CNTNAP2: variants seen among roughly 807,000 people sequenced by gnomAD.
CNTNAP2 encodes the protein contactin-associated protein-like 2.
Under a neutral mutation model 155.2 loss-of-function variants are expected in CNTNAP2, and 98 were observed. That is an observed-to-expected ratio of 0.63 (90% CI 0.54 to 0.75). The LOEUF (loss-of-function observed/expected upper bound fraction) is 0.75, where lower values mean the gene tolerates loss of function less well. CNTNAP2 is among the 30% of genes least tolerant of loss of function. CNTNAP2 has a pLI of 0.00. For missense variants in CNTNAP2, 1,727 were observed against 1,688.1 expected (o/e 1.02, Z -0.40); for synonymous variants, 651 against 631.2 (o/e 1.03, Z -0.47).
At chr7:147,241,353 C>T (rs1178128353) in intron 8 of CNTNAP2, among the ~76,000 whole-genome samples, 4 of 152,068 alleles carry the variant, frequency 2.6e-5, no homozygotes, top group Non-Finnish European at 5.9e-5. Flanking sequence ...CTCTGCCGGG[C>T]GCGGTGCCTC....
intron 8 of CNTNAP2, among the ~76,000 whole-genome samples, chr7:147,298,649 G>A (rs2116765394): frequency 6.6e-6 from 1 of 152,222 alleles, no homozygotes; most frequent in African/African-American, 2.4e-5. Flanking sequence ...TCCTATAAAG[G>A]AGCACATGTA....
chr7:146,478,545 A>G (rs1796913269), intron 1 of CNTNAP2, among the ~76,000 whole-genome samples: 1 of 151,750 alleles, frequency 6.6e-6, no homozygotes, highest in Non-Finnish European at 1.5e-5. Context: ...TTGACTAAAT[A>G]TATTTTTTAA....
chr7:146,954,291 G>T (rs13233800), intron 3 of CNTNAP2, among the ~76,000 whole-genome samples: 51,257 of 151,726 alleles, frequency 0.34, 9,444 homozygotes, highest in Middle Eastern at 0.43. Context: ...GCAGATACAT[G>T]TTACATTCTG....
At chr7:146,392,746 C>T (rs572872086) in intron 1 of CNTNAP2, among the ~76,000 whole-genome samples, 87 of 152,154 alleles carry the variant, frequency 5.7e-4, no homozygotes, top group African/African-American at 1.7e-3. Context: ...TTTGAGGTAA[C>T]GACACTATCG....
At chr7:146,828,785 A>G (rs563707345) in intron 2 of CNTNAP2, among the ~76,000 whole-genome samples, 27 of 152,184 alleles carry the variant, frequency 1.8e-4, no homozygotes, top group Middle Eastern at 3.4e-3. Flanking sequence ...ATCAGACCTA[A>G]TTGTCACTAT....
intron 1 of CNTNAP2, among the ~76,000 whole-genome samples, chr7:146,508,665 C>T (rs775010318): frequency 1.4e-4 from 21 of 152,324 alleles, no homozygotes; most frequent in African/African-American, 2.2e-4. Context: ...AAACACAAAA[C>T]GCTCTATACC....
At chr7:147,725,065 T>C (rs773745676) in intron 13 of CNTNAP2, among the ~76,000 whole-genome samples, 1 of 151,976 alleles carries the variant, frequency 6.6e-6, no homozygotes, top group Non-Finnish European at 1.5e-5. Flanking sequence ...TGGATTGTAG[T>C]CCCTACAGAT....
chr7:146,957,430 A>G (rs764500626), intron 3 of CNTNAP2, among the ~76,000 whole-genome samples: 3 of 152,354 alleles, frequency 2.0e-5, no homozygotes, highest in South Asian at 2.1e-4. Flanking sequence ...TGTAAGTTGC[A>G]TAGACCATTT....
At chr7:147,210,640 T>C (rs1246456859) in intron 8 of CNTNAP2, among the ~76,000 whole-genome samples, 2 of 151,954 alleles carry the variant, frequency 1.3e-5, no homozygotes, top group Admixed American at 1.3e-4. Context: ...GCTTTAGGCT[T>C]AGTTTGCTCT....
At position 148,419,614 on chromosome 7, in the gene CNTNAP2, T is replaced by A. The variant is rs1800071093; in HGVS notation, c.*3998T>A. On this transcript the variant is annotated 3_prime_UTR_variant, in exon 24 of 24. Coordinates refer to ENST00000361727, the MANE Select transcript of CNTNAP2 (RefSeq NM_014141.6). ...ACACCCAGCTAATTTTTTTTTTTTTTTGTATTATTAGTAGAAGCCAGGTTT... is the reference window on the plus strand; with the variant it reads ...ACACCCAGCTAATTTTTTTTTTTTTATGTATTATTAGTAGAAGCCAGGTTT... 1 of 151,370 alleles carries A rather than the reference T, an allele frequency of 6.6e-6. No individual in the cohort carries two copies. Among genetic ancestry groups the A allele is most frequent in the African/African-American group, 2.4e-5 (1 of 41,202 alleles). 9.4% of individuals were successfully genotyped at this position (151,370 alleles called of 1,614,324 possible). A position where few individuals can be genotyped will look rare whatever the true frequency, so the allele number is the denominator to read the frequency against.
At chr7:147,693,487 A>G (rs1417283857) in intron 13 of CNTNAP2, among the ~76,000 whole-genome samples, 1 of 151,936 alleles carries the variant, frequency 6.6e-6, no homozygotes, top group Non-Finnish European at 1.5e-5. Flanking sequence ...TCAGCTGTTC[A>G]TTTCGTTCTT....
At chr7:148,092,879 T>TAAAAAAAA (rs11321148) in intron 15 of CNTNAP2, among the ~76,000 whole-genome samples, 1 of 122,722 alleles carries the variant, frequency 8.1e-6, no homozygotes. Flanking sequence ...AGTCTCAATT[T>TAAAAAAAA]AAAAAAAAAA....
chr7:147,555,609 C>T (rs1584810221), intron 11 of CNTNAP2, among the ~76,000 whole-genome samples: 1 of 152,188 alleles, frequency 6.6e-6, no homozygotes, highest in South Asian at 2.1e-4. Context: ...ATTTTTCCCT[C>T]TTCTGTACAG....
intron 23 of CNTNAP2, among the ~76,000 whole-genome samples, chr7:148,412,654 A>AT (rs1358635076): frequency 2.6e-5 from 4 of 152,058 alleles, no homozygotes; most frequent in Non-Finnish European, 5.9e-5. Flanking sequence ...GAATAATGAG[A>AT]TTTTTTTACT....
At chr7:147,349,374 A>T (rs1379521653) in intron 9 of CNTNAP2, among the ~76,000 whole-genome samples, 2 of 151,956 alleles carry the variant, frequency 1.3e-5, no homozygotes, top group Non-Finnish European at 2.9e-5. Context: ...AGTAGATAAA[A>T]CTGTGAGAAT....
At chr7:147,402,078 C>T (rs1796925351) in intron 10 of CNTNAP2, among the ~76,000 whole-genome samples, 1 of 152,166 alleles carries the variant, frequency 6.6e-6, no homozygotes, top group Admixed American at 6.5e-5. Flanking sequence ...TAGTCAGTAG[C>T]AGAAAAGATA....
At chr7:147,561,725 CAG>C (rs1395448948) in intron 11 of CNTNAP2, among the ~76,000 whole-genome samples, 1 of 151,982 alleles carries the variant, frequency 6.6e-6, no homozygotes, top group East Asian at 1.9e-4. Context: ...AAGAGAGAGG[CAG>C]AGAGAGTGAA....
At chr7:147,212,537 G>T (rs1282797666) in intron 8 of CNTNAP2, among the ~76,000 whole-genome samples, 1 of 152,050 alleles carries the variant, frequency 6.6e-6, no homozygotes, top group Non-Finnish European at 1.5e-5. Flanking sequence ...CTAAACATTG[G>T]TACTCATTGA....
intron 1 of CNTNAP2, among the ~76,000 whole-genome samples, chr7:146,299,776 C>T (rs17170031): frequency 6.6e-6 from 1 of 151,852 alleles, no homozygotes; most frequent in African/African-American, 2.4e-5. Flanking sequence ...GAATGCATAC[C>T]CTTTTAGAGA....
Sources: allele counts gnomAD v4.1 joint callset (sites outside exome capture counted in the v4.1 genomes callset), GRCh38; gene constraint gnomAD v4.1.1; transcripts MANE v1.5; gene names NCBI Gene and HGNC (gene_info 2026-07-23, HGNC 2026-07-21).